Variants in LRP1 observed in about 807,000 individuals in gnomAD.
LRP1 encodes prolow-density lipoprotein receptor-related protein 1.
A neutral mutation model predicts 541.5 loss-of-function variants in LRP1; 51 were observed. The ratio of observed to expected loss-of-function variants is 0.09; its 90% CI spans 0.08 to 0.12. The LOEUF is 0.12. Among genes scored for constraint, LRP1 ranks in the 10% least tolerant of loss-of-function variants. LRP1 has a pLI of 1.00. For synonymous variants in LRP1, 2,219 were observed against 2,470.8 expected, an observed-to-expected ratio of 0.90 and a Z score of 3.02; for missense variants, 3,878 against 6,376.2, an observed-to-expected ratio of 0.61 and a Z score of 13.34.
chr12:57,168,957 C>T (rs1415488563), intron 19 of LRP1, among the ~76,000 whole-genome samples, 183 bp from the exon 20 acceptor site: 3 of 148,196 alleles, frequency 2.0e-5, no homozygotes, highest in Non-Finnish European at 4.5e-5. Context: ...ATCCTGACCA[C>T]GTGGGCCATG....
rs1592651490 is a variant in LRP1 at position 57,195,473 on chromosome 12, G to A, written c.8437+74G>A. 9.5e-6 allele frequency: 15 copies of A among 1,585,990 alleles called. No homozygotes were observed. In the African/African-American group the frequency reaches 1.3e-4, roughly 14 times the overall value. ...CTCACTTTGCAGATGGGGAAGCCGGGGTGCAGGAGAGGAAATGCCTCAGCG... is the reference window on the plus strand; with the variant it reads ...CTCACTTTGCAGATGGGGAAGCCGGAGTGCAGGAGAGGAAATGCCTCAGCG... On this transcript the variant is annotated intron_variant, in intron 52 of 88. Transcript: ENST00000243077.
In LRP1 at chr12:57,128,610, C is replaced by CCCCCTCCCCGCCTCCT. The variant is rs2034964472; in HGVS notation, c.-351_-336dup. The CCCCCTCCCCGCCTCCT allele has an allele frequency of 2.4e-6, 1 of 415,518 alleles. No individual in the cohort carries two copies. The highest frequency in any genetic ancestry group is 4.0e-5 in the Admixed American group (1 of 24,978). The allele number at this position is 415,518 out of a possible 1,614,324, so 25.7% of individuals were successfully genotyped here. On this transcript the variant is annotated 5_prime_UTR_variant, in exon 1 of 89. Transcript: ENST00000243077. ...CCCTACCCGGTCCACGCCCCCCACC[C>CCCCCTCCCCGCCTCCT]CCCCTCCCCGCCTCCTCCCAATTGT... is the stretch of plus-strand genomic sequence containing the variant.
chr12:57,208,581 T>C, intron 77 of LRP1, 130 bp from the exon 78 acceptor site: 1 of 626,086 alleles, frequency 1.6e-6, no homozygotes, highest in Non-Finnish European at 2.8e-6. Context: ...TGCTTCTCTG[T>C]AGAAGGACAG....
chr12:57,129,629 C>T (rs532546138), intron 1 of LRP1, among the ~76,000 whole-genome samples: 1 of 152,204 alleles, frequency 6.6e-6, no homozygotes, highest in African/African-American at 2.4e-5. Context: ...GCTCTTCCCC[C>T]TCTCAGGGCC....
In LRP1 at chr12:57,204,169, A is replaced by C; in HGVS notation, c.10952-241A>C. The C allele has an allele frequency of 2.2e-6, 1 of 444,746 alleles. No homozygotes were observed. Among genetic ancestry groups the C allele is most frequent in the Non-Finnish European group, 4.0e-6 (1 of 250,634 alleles). 27.5% of individuals were successfully genotyped at this position (444,746 alleles called of 1,614,324 possible). On this transcript the variant is annotated intron_variant, in intron 70 of 88. Coordinates refer to ENST00000243077, the MANE Select transcript of LRP1 (RefSeq NM_002332.3). This position sits in a 1 kb window ranked among gnomAD's most constrained non-coding sequence, Gnocchi z 5.3. ...ACTACACAGCACAGTGCCCTGCCACATACCAGAGAAGGAGTGCCCTCTGAA... is the reference window on the plus strand; with the variant it reads ...ACTACACAGCACAGTGCCCTGCCACCTACCAGAGAAGGAGTGCCCTCTGAA...
intron 16 of LRP1, 26 bp from the exon 17 acceptor site, chr12:57,166,058 T>C (rs2035832336): frequency 1.2e-6 from 2 of 1,613,740 alleles, no homozygotes; most frequent in Non-Finnish European, 8.5e-7. Context: ...AACTTCTCGC[T>C]GACCCCTGAC....
chr12:57,201,173 G>A lies in LRP1; in HGVS notation c.10345+20G>A, dbSNP rs2036646455. ...ACTGCCGTGAGTGTCAGAGGTGGTG[G>A]TGGGCCGGTGGTGGGAGATGACACG... On this transcript the variant is annotated intron_variant, in intron 65 of 88. Coordinates refer to ENST00000243077, the MANE Select transcript of LRP1 (RefSeq NM_002332.3). The surrounding 1 kb of genome is among the most constrained non-coding windows in gnomAD (Gnocchi z 6.4). 6.2e-7 allele frequency: 1 copy of A among 1,613,202 alleles called. No individual in the cohort carries two copies. The highest frequency in any genetic ancestry group is 2.2e-5 in the East Asian group (1 of 44,860).
Position 57,161,122 on chromosome 12 carries a change from A to T in LRP1, c.2202+7A>T. 2 of 1,611,290 alleles carry T rather than the reference A, an allele frequency of 1.2e-6. No homozygotes were observed. Among genetic ancestry groups the T allele is most frequent in the Non-Finnish European group, 8.5e-7 (1 of 1,179,606 alleles). On this transcript the variant is annotated splice_region_variant and intron_variant, in intron 13 of 88. Transcript: ENST00000243077. ...CAATGGCACAGACCGGAAGGTGGGC[A>T]GGCATGTGCCTGTGTGGGGGAATCT...
chr12:57,161,713 C>A (rs2035737957), intron 13 of LRP1, among the ~76,000 whole-genome samples: 1 of 152,268 alleles, frequency 6.6e-6, no homozygotes. Flanking sequence ...ATTACTCATG[C>A]AGTTCATTCC....
intron 82 of LRP1, 51 bp from the exon 83 acceptor site, chr12:57,210,667 G>A (rs369974491): frequency 6.4e-5 from 101 of 1,572,952 alleles, no homozygotes; most frequent in Non-Finnish European, 7.6e-5. Context: ...CTGCTATAGG[G>A]CCAGGTGGTC....
rs2036101439 is a variant in LRP1, at chr12:57,178,794, CAG to C, written c.4607-95_4607-94del. On this transcript the variant is annotated intron_variant, in intron 27 of 88. Transcript: ENST00000243077. This position sits in a 1 kb window ranked among gnomAD's most constrained non-coding sequence, Gnocchi z 5.8. ...GGTCTAGTAGTAGCGGCTGCTGGAA[CAG>C]GGGGAGGAGAGTGGGCGAGGAAGGG... The C allele has an allele frequency of 3.9e-6, 6 of 1,525,826 alleles. No individual in the cohort carries two copies. The highest frequency in any genetic ancestry group is 1.3e-5 in the South Asian group (1 of 79,780). 94.5% of individuals were successfully genotyped at this position (1,525,826 alleles called of 1,614,324 possible).
chr12:57,154,570 A>G lies in LRP1; in HGVS notation c.1096A>G (p.Ile366Val), dbSNP rs1453436395. Residue 366 changes from isoleucine (I) to valine (V), a missense_variant, in exon 8 of 89, where the codon ATT becomes GTT. Around this residue, in one of 13 missense-constraint regions of LRP1, gnomAD observed 496 missense variants for 861.0 expected, o/e 0.58. Coordinates refer to ENST00000243077, the MANE Select transcript of LRP1 (RefSeq NM_002332.3). The surrounding 1 kb of genome is among the most constrained non-coding windows in gnomAD (Gnocchi z 4.6). The part of the protein sequence containing the change: ...QNRTKLVDSK[I>V]VFPHGITLDL... ...CCGCACCAAGCTCGTCGACAGCAAGATTGTGTTTCCTCATGGCATCACGCT... is the reference window on the plus strand; with the variant it reads ...CCGCACCAAGCTCGTCGACAGCAAGGTTGTGTTTCCTCATGGCATCACGCT... The G allele has an allele frequency of 1.2e-6, 2 of 1,614,074 alleles. No homozygotes were observed. The highest frequency in any genetic ancestry group is 1.7e-5 in the Admixed American group (1 of 60,008).
rs2136700647 is a variant in LRP1, at chr12:57,177,397, T to C, written c.4197-30T>C. Reference sequence around the variant, plus strand: ...AGTCGCTCCCTGAGGGCCCTGACTTTAGCCCTCCTGACCCCTCCCCACTCC... The same window carrying C: ...AGTCGCTCCCTGAGGGCCCTGACTTCAGCCCTCCTGACCCCTCCCCACTCC... On this transcript the variant is annotated intron_variant, in intron 25 of 88. Transcript: ENST00000243077. The surrounding 1 kb of genome is among the most constrained non-coding windows in gnomAD (Gnocchi z 6.8). 1 of 1,570,282 alleles carries C rather than the reference T, an allele frequency of 6.4e-7. No individual in the cohort carries two copies. The highest frequency in any genetic ancestry group is 2.2e-5 in the East Asian group (1 of 44,520).
In LRP1 at chr12:57,190,889, C is replaced by T. The variant is rs952565040; in HGVS notation, c.7116C>T (p.Ile2372=). Residue 2372 remains isoleucine (I), a synonymous_variant, in exon 43 of 89, where the codon ATC becomes ATT. Transcript: ENST00000243077. ...CGGGAGCCAATGTCCTGACCCTTAT[C>T]GAGAAGGACATCCGTACCCCCAATG... ...ALSGANVLTL[I]EKDIRTPNGL... 22 of 1,613,802 alleles carry T rather than the reference C, an allele frequency of 1.4e-5. No homozygotes were observed. The highest frequency in any genetic ancestry group is 3.3e-5 in the South Asian group (3 of 91,082).
chr12:57,196,896 G>A (rs2036544788), intron 55 of LRP1, 86 bp from the exon 56 acceptor site: 2 of 1,207,832 alleles, frequency 1.7e-6, no homozygotes, highest in Admixed American at 4.0e-5. Flanking sequence ...GCCGGGTAGA[G>A]GGAATTGGAG....
At position 57,197,550 on chromosome 12, in the gene LRP1, G is replaced by A. The variant is rs150200023; in HGVS notation, c.9168G>A (p.Leu3056=). 3.1e-6 allele frequency: 5 copies of A among 1,613,946 alleles called. No individual in the cohort carries two copies. The highest frequency in any genetic ancestry group is 4.2e-6 in the Non-Finnish European group (5 of 1,180,018). ...GSNYTLLKQG[L]NNAVALDFDY... is the part of the protein sequence containing the mutation. Reference sequence around the variant, plus strand: ...CCTTCACTCCCCAAATCCAGGGCCTGAACAACGCCGTTGCCTTGGATTTTG... The same window carrying A: ...CCTTCACTCCCCAAATCCAGGGCCTAAACAACGCCGTTGCCTTGGATTTTG... The change falls in exon 58 of 89, where the codon CTG becomes CTA. Residue 3056 remains leucine (L), a synonymous_variant. Transcript: ENST00000243077. The surrounding 1 kb of genome is among the most constrained non-coding windows in gnomAD (Gnocchi z 4.5).
chr12:57,199,831 G>A (rs1272079957), intron 61 of LRP1, 46 bp from the exon 62 acceptor site: 1 of 1,546,994 alleles, frequency 6.5e-7, no homozygotes, highest in South Asian at 1.3e-5. Flanking sequence ...GCAGCCTTTG[G>A]TAGGCCAGAA....
chr12:57,183,753 A>T lies in LRP1; in HGVS notation c.5795-22A>T, dbSNP rs1244020015. On this transcript the variant is annotated intron_variant, in intron 35 of 88. Transcript: ENST00000243077. The surrounding 1 kb of genome is among the most constrained non-coding windows in gnomAD (Gnocchi z 6.1). Reference sequence around the variant, plus strand: ...TACCCCTGCCTTATTGGGCATCCCCATGTCACCTCCTCCACCTCCAGAAAA... The same window carrying T: ...TACCCCTGCCTTATTGGGCATCCCCTTGTCACCTCCTCCACCTCCAGAAAA... 3.1e-6 allele frequency: 5 copies of T among 1,613,204 alleles called. No homozygotes were observed. Among genetic ancestry groups the T allele is most frequent in the Non-Finnish European group, 4.2e-6 (5 of 1,180,002 alleles).
At chr12:57,207,369 G>A (rs1026260826) in intron 76 of LRP1, among the ~76,000 whole-genome samples, 3 of 151,420 alleles carry the variant, frequency 2.0e-5, no homozygotes, top group Admixed American at 1.3e-4. Context: ...GCGTGGTGGC[G>A]GGCGCCTGTA....
Sources: allele counts gnomAD v4.1 joint callset (sites outside exome capture counted in the v4.1 genomes callset), GRCh38; gene constraint gnomAD v4.1.1; regional missense constraint gnomAD v4.1.1; non-coding constraint Gnocchi (gnomAD v3.1); transcripts MANE v1.5; gene names NCBI Gene and HGNC (gene_info 2026-07-23, HGNC 2026-07-21).